Variants in IL7 observed in about 807,000 individuals in gnomAD.
The protein encoded by IL7 is interleukin 7.
Under a neutral mutation model 21.6 loss-of-function variants are expected in IL7, and 3 were observed. That is an observed-to-expected ratio of 0.14 (90% confidence interval 0.06 to 0.36). The LOEUF (loss-of-function observed/expected upper bound fraction) is 0.36, where lower values mean the gene tolerates loss of function less well. IL7 is among the 10% of genes least tolerant of loss of function. IL7 has a pLI of 1.00. For missense variants in IL7, 175 were observed against 200.2 expected (o/e 0.87, Z 0.76); for synonymous variants, 62 against 68.1 (o/e 0.91, Z 0.44).
downstream of IL7, among the ~76,000 whole-genome samples, chr8:78,715,584 T>C (rs571440857): frequency 4.3e-4 from 66 of 152,306 alleles, no homozygotes; most frequent in Middle Eastern, 3.4e-3. Context: ...TCCACATTAA[T>C]AAGAGTTTGG....
intron 2 of IL7, among the ~76,000 whole-genome samples, chr8:78,782,429 GCTTT>G (rs1420956354): frequency 2.0e-5 from 3 of 152,092 alleles, no homozygotes; most frequent in Admixed American, 2.0e-4. Flanking sequence ...TGTTGTTGTT[GCTTT>G]CTGTTTGCTT....
chr8:78,743,847 G>A (rs1225759335), intron 2 of IL7, among the ~76,000 whole-genome samples: 1 of 151,998 alleles, frequency 6.6e-6, no homozygotes, highest in Admixed American at 6.5e-5. Flanking sequence ...GGGCTGCTGT[G>A]GTTTGCTGGG....
intron 2 of IL7, among the ~76,000 whole-genome samples, chr8:78,796,491 G>C (rs1813857553): frequency 6.6e-6 from 1 of 151,810 alleles, no homozygotes; most frequent in Non-Finnish European, 1.5e-5. Context: ...ATACTCATTT[G>C]TTCTCTGTCC....
chr8:78,746,531 C>A (rs1811982752), intron 2 of IL7, among the ~76,000 whole-genome samples: 1 of 152,210 alleles, frequency 6.6e-6, no homozygotes, highest in Non-Finnish European at 1.5e-5. Context: ...GCCATTTCCT[C>A]ATTATTCAGT....
At chr8:78,770,693 A>C (rs1214040494) in intron 2 of IL7, among the ~76,000 whole-genome samples, 1 of 152,084 alleles carries the variant, frequency 6.6e-6, no homozygotes, top group Non-Finnish European at 1.5e-5. Context: ...ACACGCACAC[A>C]CACACACATA....
intron 2 of IL7, among the ~76,000 whole-genome samples, chr8:78,774,816 T>C (rs1397178261): frequency 6.6e-6 from 1 of 152,136 alleles, no homozygotes; most frequent in Non-Finnish European, 1.5e-5. Flanking sequence ...GAAAGTGTCC[T>C]CAGTGCTTTT....
At chr8:78,779,127 C>A (rs1813229610) in intron 2 of IL7, among the ~76,000 whole-genome samples, 1 of 152,176 alleles carries the variant, frequency 6.6e-6, no homozygotes, top group Admixed American at 6.6e-5. Flanking sequence ...TGCTTATCAG[C>A]TTAAGAAGCT....
At chr8:78,781,018 A>G (rs1294490015) in intron 2 of IL7, among the ~76,000 whole-genome samples, 1 of 152,156 alleles carries the variant, frequency 6.6e-6, no homozygotes, top group African/African-American at 2.4e-5. Flanking sequence ...ATTGGTTTAA[A>G]GTCTGTTTTG....
At position 78,799,558 on chromosome 8, in the gene IL7, A is replaced by C. The variant is rs149705521; in HGVS notation, c.11-1350T>G. On this transcript the variant is annotated intron_variant, in intron 1 of 5. Transcript: ENST00000263851. ...AGTGCCTATATGCATGATGAGCATG[A>C]ATTAACTTAGGAGACAGATAATGAT... Among the ~76,000 whole-genome samples, 723 of 152,250 alleles carry C rather than the reference A, an allele frequency of 4.7e-3. 4 individuals are homozygous for C. The highest frequency in any genetic ancestry group is 5.6e-3 in the Non-Finnish European group (379 of 68,016).
At chr8:78,749,240 C>G (rs1333207135) in intron 2 of IL7, among the ~76,000 whole-genome samples, 2 of 152,118 alleles carry the variant, frequency 1.3e-5, no homozygotes, top group African/African-American at 4.8e-5. Context: ...AATTCCTTAA[C>G]ACTAAGTTAT....
intron 1 of IL7, among the ~76,000 whole-genome samples, chr8:78,801,954 G>A (rs1248025219): frequency 1.3e-5 from 2 of 152,082 alleles, no homozygotes; most frequent in Non-Finnish European, 2.9e-5. Flanking sequence ...TGGCATTGTT[G>A]TCACACCCAC....
chr8:78,692,848 A>G (rs918306112), intron 3 of IL7, among the ~76,000 whole-genome samples: 7 of 152,098 alleles, frequency 4.6e-5, no homozygotes, highest in East Asian at 1.9e-4. Flanking sequence ...CGTCATTTAC[A>G]TGGAGTATAT....
chr8:78,689,339 A>G, intron 3 of IL7: 2 of 1,599,794 alleles, frequency 1.3e-6, no homozygotes, highest in African/African-American at 1.3e-5. Flanking sequence ...TTTTCTACAG[A>G]TACCAAAGGA....
At chr8:78,784,588 CTCAG>C (rs1162137501) in intron 2 of IL7, among the ~76,000 whole-genome samples, 3 of 151,704 alleles carry the variant, frequency 2.0e-5, no homozygotes, top group Non-Finnish European at 2.9e-5. Flanking sequence ...TGTTCATTCA[CTCAG>C]TCAGTCAATA....
At chr8:78,783,732 A>G (rs1813418006) in intron 2 of IL7, among the ~76,000 whole-genome samples, 1 of 152,184 alleles carries the variant, frequency 6.6e-6, no homozygotes, top group Non-Finnish European at 1.5e-5. Flanking sequence ...ACCTGTGATT[A>G]ATGAGACAAT....
chr8:78,690,297 C>A (rs368459522), intron 3 of IL7, among the ~76,000 whole-genome samples: 1 of 152,192 alleles, frequency 6.6e-6, no homozygotes, highest in African/African-American at 2.4e-5. Context: ...CAGTGGCTCC[C>A]GCCTTTAATC....
At chr8:78,727,675 G>T (rs1811361966) in intron 3 of IL7, among the ~76,000 whole-genome samples, 1 of 151,642 alleles carries the variant, frequency 6.6e-6, no homozygotes, top group Non-Finnish European at 1.5e-5. Context: ...GGAGGCAATG[G>T]GTAATTTTAA....
At chr8:78,778,131 T>C (rs1279417128) in intron 2 of IL7, among the ~76,000 whole-genome samples, 1 of 152,150 alleles carries the variant, frequency 6.6e-6, no homozygotes, top group African/African-American at 2.4e-5. Flanking sequence ...AGTCTAGCTC[T>C]CTTTCAAAAC....
intron 3 of IL7, among the ~76,000 whole-genome samples, chr8:78,703,541 T>C (rs1440640282): frequency 6.6e-6 from 1 of 151,590 alleles, no homozygotes; most frequent in Non-Finnish European, 1.5e-5. Flanking sequence ...CCCTTCTTTT[T>C]TTTTTTTTTT....
Sources: gnomAD v4.1 joint callset for allele counts (sites outside exome capture counted in the v4.1 genomes callset) on GRCh38, gnomAD v4.1.1 for gene constraint, MANE v1.5 for transcripts, NCBI Gene and HGNC (gene_info 2026-07-23, HGNC 2026-07-21) for gene names.